ANKRD37: variants seen among roughly 807,000 people sequenced by gnomAD.
ANKRD37 encodes the protein ankyrin repeat domain 37.
ANKRD37 carries 17 observed loss-of-function variants against 19.7 expected under a neutral mutation model. That is an observed-to-expected ratio of 0.86 (90% CI 0.59 to 1.29). The LOEUF (loss-of-function observed/expected upper bound fraction) is 1.29. Among genes scored for constraint, ANKRD37 ranks in the 50% most tolerant of loss-of-function variants. The probability of loss-of-function intolerance (pLI) is 0.00; values close to 1 mark genes in which losing one functional copy is unlikely to be tolerated. For synonymous variants in ANKRD37, 79 were observed against 74.5 expected, an observed-to-expected ratio of 1.06 and a Z score of -0.31; for missense variants, 207 against 190.4, an observed-to-expected ratio of 1.09 and a Z score of -0.51.
intron 1 of ANKRD37, 59 bp from the exon 2 acceptor site, chr4:185,397,091 G>C: frequency 3.1e-6 from 5 of 1,609,770 alleles, no homozygotes; most frequent in Non-Finnish European, 4.2e-6. Context: ...TTTCCAGCCC[G>C]GAGGGGCGCG....
At position 185,397,144 on chromosome 4, in the gene ANKRD37, C is replaced by G; in HGVS notation, c.28-6C>G. 1 of 1,613,238 alleles carries G rather than the reference C, an allele frequency of 6.2e-7. No homozygotes were observed. Among genetic ancestry groups the G allele is most frequent in the Non-Finnish European group, 8.5e-7 (1 of 1,179,942 alleles). On this transcript the variant is annotated splice_region_variant and splice_polypyrimidine_tract_variant and intron_variant, in intron 1 of 4. Coordinates refer to ENST00000335174, the MANE Select transcript of ANKRD37 (RefSeq NM_181726.4). ...GAAGGGTGCTGGATCTGTTCTCTTC[C>G]TGCAGGTGGATGGTCTGAAGCATTT...
chr4:185,399,076 A>G (rs2095509800), intron 3 of ANKRD37, 48 bp downstream of exon 3: 1 of 1,459,088 alleles, frequency 6.9e-7, no homozygotes, highest in Admixed American at 1.7e-5. Context: ...CTTGGATTAA[A>G]CTAATCAGAC....
chr4:185,399,468 C>G (rs1239187334), intron 3 of ANKRD37, 102 bp from the exon 4 acceptor site: 2 of 1,297,200 alleles, frequency 1.5e-6, no homozygotes, highest in South Asian at 1.3e-5. Context: ...CTCTTCTGTT[C>G]TGCAACCAAC....
intron 1 of ANKRD37, 48 bp downstream of exon 1, chr4:185,396,998 G>A (rs756302916): frequency 6.2e-7 from 1 of 1,612,416 alleles, no homozygotes; most frequent in South Asian, 1.1e-5. Context: ...GCAGGCTCAA[G>A]CTTCTAGATT....
Position 185,400,114 on chromosome 4 carries a change from C to A in ANKRD37, c.*97C>A. 1 of 1,200,186 alleles carries A rather than the reference C, an allele frequency of 8.3e-7. No homozygotes were observed. The allele number at this position is 1,200,186 out of a possible 1,614,324, so 74.3% of individuals were successfully genotyped here. A position where few individuals can be genotyped will look rare whatever the true frequency, so the allele number is the denominator to read the frequency against. The stretch of plus-strand genomic sequence containing the variant: ...CTTTACCATATGTTGTGTCTAATCT[C>A]CTTCTGAGAAGGACGAAAAACTTTC... On this transcript the variant is annotated 3_prime_UTR_variant, in exon 5 of 5. Coordinates refer to ENST00000335174, the MANE Select transcript of ANKRD37 (RefSeq NM_181726.4).
chr4:185,398,544 A>G (rs2095508719), intron 2 of ANKRD37, among the ~76,000 whole-genome samples: 1 of 152,218 alleles, frequency 6.6e-6, no homozygotes, highest in South Asian at 2.1e-4. Flanking sequence ...AGCGTATGCT[A>G]GAATGCTGAA....
In ANKRD37 at chr4:185,399,711, C is replaced by T. The variant is rs369079595; in HGVS notation, c.414C>T (p.Ala138=). The part of the protein sequence containing the change: ...SEHPDRNDCV[A]VLRQKRSLGS... ...ACCCTGACAGGAATGATTGTGTTGC[C>T]GTGCTCAGACAGAAACGGAGTCTCG... is the stretch of plus-strand genomic sequence containing the variant. The change falls in exon 4 of 5, where the codon GCC becomes GCT. Residue 138 remains alanine, a synonymous_variant. Transcript: ENST00000335174. 37 of 1,614,064 alleles carry T rather than the reference C, an allele frequency of 2.3e-5. No individual in the cohort carries two copies. In the East Asian group the frequency reaches 5.1e-4, roughly 22 times the overall value.
chr4:185,399,522 G>T (rs757860953), intron 3 of ANKRD37, 48 bp from the exon 4 acceptor site: 30 of 1,563,056 alleles, frequency 1.9e-5, no homozygotes, highest in African/African-American at 2.7e-5. Context: ...TAAAAAAAAA[G>T]ACTTAAGTTC....
At chr4:185,400,530 G>A (rs1580044920), downstream of ANKRD37, 1 of 1,403,026 alleles carries the variant, frequency 7.1e-7, no homozygotes, top group South Asian at 1.2e-5. Context: ...ACAAGATTAT[G>A]TCATGGAAAT....
At chr4:185,398,861 T>C in intron 2 of ANKRD37, 76 bp from the exon 3 acceptor site, 1 of 1,056,396 alleles carries the variant, frequency 9.5e-7, no homozygotes, top group Admixed American at 1.9e-5. Flanking sequence ...CTTAAATAGC[T>C]AATATTAAAT....
At chr4:185,399,448 C>A in intron 3 of ANKRD37, 122 bp from the exon 4 acceptor site, 2 of 1,011,536 alleles carry the variant, frequency 2.0e-6, no homozygotes, top group Non-Finnish European at 2.9e-6. Context: ...TTTCCTTATG[C>A]ATCCTTTACC....
intron 2 of ANKRD37, 103 bp downstream of exon 2, chr4:185,397,405 T>C (rs752250318): frequency 1.5e-4 from 209 of 1,403,832 alleles, no homozygotes; most frequent in Non-Finnish European, 1.9e-4. Flanking sequence ...AAAACATGTC[T>C]ATAGCAGCGA....
chr4:185,399,748 A>G lies in ANKRD37; in HGVS notation c.451A>G (p.Asn151Asp). Residue 151 changes from asparagine (N) to aspartate (D), a missense_variant, in exon 4 of 5, where the codon AAT becomes GAT. Coordinates refer to ENST00000335174, the MANE Select transcript of ANKRD37 (RefSeq NM_181726.4). ...GAAACGGAGTCTCGGAAGTGTAGAA[A>G]ATACCAGTGGGAAAAGGAAGTGCTG... ...RQKRSLGSVENTSGKRKC is the reference protein window; with the variant it reads ...RQKRSLGSVEDTSGKRKC 3 of 1,614,130 alleles carry G rather than the reference A, an allele frequency of 1.9e-6. No homozygotes were observed. Among genetic ancestry groups the G allele is most frequent in the Non-Finnish European group, 2.5e-6 (3 of 1,180,008 alleles).
In ANKRD37 at chr4:185,398,973, A is replaced by G. The variant is rs779083980; in HGVS notation, c.217A>G (p.Lys73Glu). ...LGEAPLHKAA[K>E]VGSLECLSLL... Reference sequence around the variant, plus strand: ...AGAAGCTCCACTACACAAGGCAGCAAAAGTTGGAAGCCTGGAGTGCCTAAG... The same window carrying G: ...AGAAGCTCCACTACACAAGGCAGCAGAAGTTGGAAGCCTGGAGTGCCTAAG... Residue 73 changes from lysine (K) to glutamate (E), a missense_variant, in exon 3 of 5, where the codon AAA (lysine) becomes GAA (glutamate). Coordinates refer to ENST00000335174, the MANE Select transcript of ANKRD37 (RefSeq NM_181726.4). 4.3e-6 allele frequency: 7 copies of G among 1,613,768 alleles called. No individual in the cohort carries two copies. The highest frequency in any genetic ancestry group is 1.1e-5 in the South Asian group (1 of 91,090).
chr4:185,400,344 C>G (rs748107400), downstream of ANKRD37: 2 of 1,411,496 alleles, frequency 1.4e-6, no homozygotes, highest in South Asian at 1.2e-5. Flanking sequence ...ATTCTTTATT[C>G]ACAAATTTAT....
chr4:185,398,338 G>A lies in ANKRD37; in HGVS notation c.181-599G>A, dbSNP rs78159579. 7.7e-3 allele frequency among the ~76,000 whole-genome samples: 1,165 copies of A among 152,256 alleles called. 18 individuals carry two copies. Among genetic ancestry groups the A allele is most frequent in the South Asian group, 0.054 (260 of 4,822 alleles). Reference sequence around the variant, plus strand: ...AAATAAAAAGCTTTTGCAGCTTACCGAGGAAAAAAACAAAAATAAAAAGCT... The same window carrying A: ...AAATAAAAAGCTTTTGCAGCTTACCAAGGAAAAAAACAAAAATAAAAAGCT... On this transcript the variant is annotated intron_variant, in intron 2 of 4. Transcript: ENST00000335174.
downstream of ANKRD37, chr4:185,400,549 C>T (rs2095512073): frequency 2.7e-6 from 3 of 1,122,632 alleles, no homozygotes; most frequent in Admixed American, 2.0e-5. Context: ...ATCGTGACAT[C>T]AGGCTCTGTC....
intron 2 of ANKRD37, 144 bp downstream of exon 2, chr4:185,397,446 A>T: frequency 8.7e-7 from 1 of 1,145,654 alleles, no homozygotes. Context: ...CAAGACACAG[A>T]TGTAATTTAA....
At chr4:185,400,429 T>G (rs544351411), downstream of ANKRD37, 1 of 1,613,974 alleles carries the variant, frequency 6.2e-7, no homozygotes, top group Admixed American at 1.7e-5. Flanking sequence ...ACATAAGTTA[T>G]AGTATGCATC....
Sources: gnomAD v4.1 joint callset for allele counts (sites outside exome capture counted in the v4.1 genomes callset) on GRCh38, gnomAD v4.1.1 for gene constraint, MANE v1.5 for transcripts, NCBI Gene and HGNC (gene_info 2026-07-23, HGNC 2026-07-21) for gene names.